Variants in NR1H2 observed in about 807,000 individuals in gnomAD.
The protein encoded by NR1H2 is oxysterols receptor LXR-beta.
A neutral mutation model predicts 51.2 loss-of-function variants in NR1H2; 33 were observed. The observed-to-expected ratio is 0.64, with a 90% CI of 0.49 to 0.86. The LOEUF is 0.86. Ranked by LOEUF, NR1H2 falls within the 40% of genes least tolerant of loss-of-function variation. The pLI is 0.00. For synonymous variants in NR1H2, 310 were observed against 264.3 expected (o/e 1.17, Z -1.68); for missense variants, 592 against 639.9 (o/e 0.93, Z 0.81).
In NR1H2 at chr19:50,378,633, C is replaced by T. The variant is rs1568594640; in HGVS notation, c.584C>T (p.Ser195Phe). The part of the protein sequence containing the change: ...VGPQGSSSSA[S>F]GPGASPGGSE... ...CCGCAGGGCAGCAGCAGCTCAGCCT[C>T]TGGGCCTGGGGCTTCCCCTGGTGGA... Residue 195 changes from serine (S) to phenylalanine (F), a missense_variant, in exon 6 of 10, where the codon TCT becomes TTT. Ser to Phe is a radical substitution (Grantham distance 155). Around this residue, in one of 3 missense-constraint regions of NR1H2, gnomAD observed 316 missense variants for 313.4 expected, o/e 1.01. Transcript: ENST00000253727. 7 of 1,613,968 alleles carry T rather than the reference C, an allele frequency of 4.3e-6. No homozygotes were observed. In the South Asian group the frequency reaches 6.6e-5, roughly 15 times the overall value.
Position 50,377,811 on chromosome 19 carries a change from G to A in NR1H2, c.122G>A (p.Gly41Asp), listed in dbSNP as rs779364311. ...KEEGPEPWPG[G>D]PDPDVPGTDE... ...GAGGGTCCGGAGCCGTGGCCCGGGG[G>A]TCCGGACCCTGATGTCCCAGGCACT... The change falls in exon 4 of 10, where the codon GGT becomes GAT. Residue 41 changes from glycine to aspartate, a missense_variant. This residue lies in a region of NR1H2 where 316 missense variants were observed against 313.4 expected (regional missense o/e 1.01). Coordinates refer to ENST00000253727, the MANE Select transcript of NR1H2 (RefSeq NM_007121.7). 1.2e-6 allele frequency: 2 copies of A among 1,609,252 alleles called. No individual in the cohort carries two copies. Among genetic ancestry groups the A allele is most frequent in the South Asian group, 2.2e-5 (2 of 90,702 alleles).
intron 2 of NR1H2, among the ~76,000 whole-genome samples, 163 bp downstream of exon 2, chr19:50,376,989 G>T (rs1257125453): frequency 7.0e-6 from 1 of 142,386 alleles, no homozygotes; most frequent in Admixed American, 7.0e-5. Flanking sequence ...GCGAGGTTGT[G>T]GGGGTGCAGT....
At position 50,383,166 on chromosome 19, in the gene NR1H2, C is replaced by T. The variant is rs1267534235; in HGVS notation, c.*564C>T. Among the ~76,000 whole-genome samples, 1 of 152,120 alleles carries T rather than the reference C, an allele frequency of 6.6e-6. No individual in the cohort carries two copies. The highest frequency in any genetic ancestry group is 1.5e-5 in the Non-Finnish European group (1 of 68,014). On this transcript the variant is annotated 3_prime_UTR_variant, in exon 10 of 10. Coordinates refer to ENST00000253727, the MANE Select transcript of NR1H2 (RefSeq NM_007121.7). ...GTCCCAGTGTTGGGTGGTGTGTCGCCTGCTGTGAAAGTTCAGGACAGAGGC... is the reference window on the plus strand; with the variant it reads ...GTCCCAGTGTTGGGTGGTGTGTCGCTTGCTGTGAAAGTTCAGGACAGAGGC...
In NR1H2 at chr19:50,382,304, G is replaced by A. The variant is rs138652203; in HGVS notation, c.1236+130G>A. The A allele has an allele frequency of 6.3e-4, 840 of 1,339,702 alleles. 7 individuals carry two copies. In the African/African-American group the frequency reaches 0.011, roughly 18 times the overall value. 83.0% of individuals were successfully genotyped at this position (1,339,702 alleles called of 1,614,324 possible). ...TCTTTCCTCAGGCCCCACCCTGCTC[G>A]ACTGGGAGCCAGGTCTAGTCCAAGC... On this transcript the variant is annotated intron_variant, in intron 9 of 9. Transcript: ENST00000253727.
intron 4 of NR1H2, 80 bp from the exon 5 acceptor site, chr19:50,378,069 T>A: frequency 6.7e-7 from 1 of 1,483,662 alleles, no homozygotes; most frequent in Non-Finnish European, 9.0e-7. Context: ...GCTCTTTGCC[T>A]GGGGATCTCC....
chr19:50,382,689 G>A lies in NR1H2; in HGVS notation c.*87G>A. ...CCCCTTCCTCTTCCTAGGGTGGAAGGGGCCCTGGGCCGAGCCTGTAGACCT... is the reference window on the plus strand; with the variant it reads ...CCCCTTCCTCTTCCTAGGGTGGAAGAGGCCCTGGGCCGAGCCTGTAGACCT... On this transcript the variant is annotated 3_prime_UTR_variant, in exon 10 of 10. Transcript: ENST00000253727. The A allele has an allele frequency of 1.4e-6, 2 of 1,392,012 alleles. No homozygotes were observed. The highest frequency in any genetic ancestry group is 1.9e-6 in the Non-Finnish European group (2 of 1,038,022). 86.2% of individuals were successfully genotyped at this position (1,392,012 alleles called of 1,614,324 possible). A position where few individuals can be genotyped will look rare whatever the true frequency, so the allele number is the denominator to read the frequency against.
chr19:50,382,214 C>A, intron 9 of NR1H2, 40 bp downstream of exon 9: 1 of 1,477,698 alleles, frequency 6.8e-7, no homozygotes, highest in Non-Finnish European at 9.0e-7. Flanking sequence ...CCAACTACGT[C>A]CCGCGGCCCA....
chr19:50,382,266 C>G, intron 9 of NR1H2, 92 bp downstream of exon 9: 2 of 1,361,416 alleles, frequency 1.5e-6, no homozygotes, highest in Non-Finnish European at 2.0e-6. Context: ...ACACTGCCCT[C>G]CCCTCCGCAG....
Position 50,379,658 on chromosome 19 carries a change from CAG to C in NR1H2, c.928-121_928-120del, listed in dbSNP as rs372512539. The C allele has an allele frequency of 5.3e-3, 3,637 of 688,718 alleles. 59 individuals carry two copies. Among genetic ancestry groups the C allele is most frequent in the African/African-American group, 0.034 (1,949 of 57,258 alleles). The allele number at this position is 688,718 out of a possible 1,614,324, so 42.7% of individuals were successfully genotyped here. A position where few individuals can be genotyped will look rare whatever the true frequency, so the allele number is the denominator to read the frequency against. On this transcript the variant is annotated intron_variant, in intron 7 of 9. Transcript: ENST00000253727. ...CTGCACGCTGGTGTGGCTGAGAGAA[CAG>C]GGGGGAAGGGGACAAGGGATAATCC...
Position 50,378,951 on chromosome 19 carries a change from A to G in NR1H2, c.748-51A>G. ...AGGCTTGGCCTCAAGGTGGCCACCC[A>G]GACTTAGGCTCACAAAGACCTGGGA... is the stretch of plus-strand genomic sequence containing the variant. On this transcript the variant is annotated intron_variant, in intron 6 of 9. Coordinates refer to ENST00000253727, the MANE Select transcript of NR1H2 (RefSeq NM_007121.7). 5 of 1,559,612 alleles carry G rather than the reference A, an allele frequency of 3.2e-6. 1 individual carries two copies. In the South Asian group the frequency reaches 6.0e-5, roughly 19 times the overall value.
In NR1H2 at chr19:50,381,957, G is replaced by A. The variant is rs775172000; in HGVS notation, c.1028-9G>A. On this transcript the variant is annotated splice_polypyrimidine_tract_variant and intron_variant, in intron 8 of 9. Coordinates refer to ENST00000253727, the MANE Select transcript of NR1H2 (RefSeq NM_007121.7). ...CTGAGGGAGTCACGGGCTGCCTCCC[G>A]CCCCGCAGGCCTGCAGGTGGAGTTC... 2.3e-5 allele frequency: 35 copies of A among 1,547,148 alleles called. No individual in the cohort carries two copies. Among genetic ancestry groups the A allele is most frequent in the African/African-American group, 1.5e-4 (11 of 73,202 alleles).
chr19:50,377,052 C>G (rs2037677831), intron 2 of NR1H2, among the ~76,000 whole-genome samples: 1 of 104,236 alleles, frequency 9.6e-6, no homozygotes, highest in African/African-American at 4.0e-5. Context: ...GGATGGGGAC[C>G]TGGAGCGAGG....
intron 8 of NR1H2, among the ~76,000 whole-genome samples, chr19:50,380,834 A>G (rs1265440858): frequency 1.3e-5 from 2 of 151,892 alleles, no homozygotes; most frequent in South Asian, 4.2e-4. Context: ...CTCTGCCACC[A>G]CCCTGGAACA....
Position 50,379,051 on chromosome 19 carries a change from G to A in NR1H2, c.797G>A (p.Arg266His). The A allele has an allele frequency of 6.2e-7, 1 of 1,613,808 alleles. No individual in the cohort carries two copies. Among genetic ancestry groups the A allele is most frequent in the Non-Finnish European group, 8.5e-7 (1 of 1,179,992 alleles). Residue 266 changes from arginine to histidine, a missense_variant, in exon 7 of 10, where the codon CGC (arginine) becomes CAC (histidine). By Grantham distance (29) the Arg-to-His change is conservative. Around this residue, in one of 3 missense-constraint regions of NR1H2, gnomAD observed 102 missense variants for 152.4 expected, o/e 0.67. Coordinates refer to ENST00000253727, the MANE Select transcript of NR1H2 (RefSeq NM_007121.7). ...DPQSRDARQQ[R>H]FAHFTELAII... is the part of the protein sequence containing the mutation. Reference sequence around the variant, plus strand: ...CAGTCCCGAGATGCCCGCCAGCAACGCTTTGCCCACTTCACGGAGCTGGCC... The same window carrying A: ...CAGTCCCGAGATGCCCGCCAGCAACACTTTGCCCACTTCACGGAGCTGGCC...
At position 50,378,393 on chromosome 19, in the gene NR1H2, G is replaced by A. The variant is rs764015588; in HGVS notation, c.426G>A (p.Gln142=). The A allele has an allele frequency of 6.2e-7, 1 of 1,606,714 alleles. No homozygotes were observed. The highest frequency in any genetic ancestry group is 1.1e-5 in the South Asian group (1 of 90,958). Residue 142 remains glutamine, a synonymous_variant, in exon 5 of 10, where the codon CAG becomes CAA. Coordinates refer to ENST00000253727, the MANE Select transcript of NR1H2 (RefSeq NM_007121.7). The part of the protein sequence containing the change: ...QMDAFMRRKC[Q]QCRLRKCKEA... ...ACGCTTTCATGCGGCGCAAGTGCCA[G>A]CAGTGCCGGCTGCGCAAGTGCAAGG...
In NR1H2 at chr19:50,382,974, A is replaced by C; in HGVS notation, c.*372A>C. 2 of 173,254 alleles carry C rather than the reference A, an allele frequency of 1.2e-5. No individual in the cohort carries two copies. The highest frequency in any genetic ancestry group is 1.2e-5 in the Non-Finnish European group (1 of 82,108). The allele number at this position is 173,254 out of a possible 1,614,324, so 10.7% of individuals were successfully genotyped here. ...TCTGCTTTTATTTAATAAAAACTAA[A>C]AACAGAAACAGGAAAATAAAATATG... On this transcript the variant is annotated 3_prime_UTR_variant, in exon 10 of 10. Transcript: ENST00000253727.
At position 50,382,813 on chromosome 19, in the gene NR1H2, C is replaced by G. The variant is rs901494909; in HGVS notation, c.*211C>G. The G allele has an allele frequency of 1.0e-5, 5 of 489,970 alleles. No homozygotes were observed. Among genetic ancestry groups the G allele is most frequent in the Non-Finnish European group, 1.8e-5 (5 of 282,496 alleles). 30.4% of individuals were successfully genotyped at this position (489,970 alleles called of 1,614,324 possible). A position where few individuals can be genotyped will look rare whatever the true frequency, so the allele number is the denominator to read the frequency against. On this transcript the variant is annotated 3_prime_UTR_variant, in exon 10 of 10. Coordinates refer to ENST00000253727, the MANE Select transcript of NR1H2 (RefSeq NM_007121.7). Reference sequence around the variant, plus strand: ...GAAGGGGTGAAAGGGTTGCAGGTCCCGACCACTGACCCTTCCCGGCTGCCC... The same window carrying G: ...GAAGGGGTGAAAGGGTTGCAGGTCCGGACCACTGACCCTTCCCGGCTGCCC...
chr19:50,380,281 C>A (rs574726781), intron 8 of NR1H2, among the ~76,000 whole-genome samples: 1 of 152,294 alleles, frequency 6.6e-6, no homozygotes, highest in South Asian at 2.1e-4. Flanking sequence ...AAGCATTCCC[C>A]GCCCCCGCCA....
chr19:50,380,635 A>C (rs1425812925), intron 8 of NR1H2, among the ~76,000 whole-genome samples: 2 of 152,024 alleles, frequency 1.3e-5, no homozygotes, highest in Non-Finnish European at 2.9e-5. Context: ...TAACCCTTTT[A>C]GTATGAGCTT....
Sources: gnomAD v4.1 joint callset for allele counts (sites outside exome capture counted in the v4.1 genomes callset) on GRCh38, gnomAD v4.1.1 for gene constraint, gnomAD v4.1.1 regional missense constraint, MANE v1.5 for transcripts, NCBI Gene and HGNC (gene_info 2026-07-23, HGNC 2026-07-21) for gene names.